Variants in KIF6 observed in about 807,000 individuals in gnomAD.
KIF6 encodes kinesin-like protein KIF6.
A neutral mutation model predicts 112.7 loss-of-function variants in KIF6; 106 were observed. That is an observed-to-expected ratio of 0.94 (90% CI 0.80 to 1.11). The LOEUF (loss-of-function observed/expected upper bound fraction) is 1.11. Among genes scored for constraint, KIF6 ranks in the 50% least tolerant of loss-of-function variants. KIF6 has a pLI of 0.00. For synonymous variants in KIF6, 339 were observed against 339.9 expected (o/e 1.00, Z 0.03); for missense variants, 929 against 964.0 (o/e 0.96, Z 0.48).
intron 16 of KIF6, among the ~76,000 whole-genome samples, chr6:39,375,094 A>G (rs1397545014): frequency 6.6e-6 from 1 of 152,226 alleles, no homozygotes; most frequent in Non-Finnish European, 1.5e-5. Context: ...CATTATGCTA[A>G]GTTAAATAAG....
intron 6 of KIF6, among the ~76,000 whole-genome samples, chr6:39,605,585 T>C (rs1192184025): frequency 6.6e-6 from 1 of 152,104 alleles, no homozygotes; most frequent in East Asian, 1.9e-4. Flanking sequence ...TTGTATCATT[T>C]TGTTCTAATG....
At chr6:39,455,563 A>C (rs1212767978) in intron 13 of KIF6, among the ~76,000 whole-genome samples, 1 of 151,974 alleles carries the variant, frequency 6.6e-6, no homozygotes, top group Non-Finnish European at 1.5e-5. Flanking sequence ...CAGACGATCA[A>C]ATTACTCTGA....
At chr6:39,633,660 G>T (rs919092830) in intron 5 of KIF6, among the ~76,000 whole-genome samples, 1 of 152,172 alleles carries the variant, frequency 6.6e-6, no homozygotes, top group Non-Finnish European at 1.5e-5. Flanking sequence ...TCCACCCTGT[G>T]TCCTCCACAT....
chr6:39,350,656 G>A (rs73731798), intron 19 of KIF6, among the ~76,000 whole-genome samples: 106 of 152,302 alleles, frequency 7.0e-4, no homozygotes, highest in African/African-American at 2.4e-3. Context: ...TGTCTGAGAC[G>A]CCATGATGGC....
At chr6:39,464,342 T>C (rs1378090050) in intron 13 of KIF6, among the ~76,000 whole-genome samples, 2 of 152,196 alleles carry the variant, frequency 1.3e-5, no homozygotes, top group Non-Finnish European at 2.9e-5. Flanking sequence ...GCTAAGTATC[T>C]GGAGGATGAG....
Position 39,461,662 on chromosome 6 carries a change from T to C in KIF6, c.1646-30501A>G, listed in dbSNP as rs540183352. Among the ~76,000 whole-genome samples, 3 of 152,330 alleles carry C rather than the reference T, an allele frequency of 2.0e-5. No homozygotes were observed. In the East Asian group the frequency reaches 5.8e-4, roughly 29 times the overall value. ...CTAAATAACTATACTCATTTGCATG[T>C]TTTATTCTTACAGCACATCTTAATT... On this transcript the variant is annotated intron_variant, in intron 13 of 22. Coordinates refer to ENST00000287152, the MANE Select transcript of KIF6 (RefSeq NM_145027.6).
At chr6:39,560,217 T>C (rs1287259441) in intron 10 of KIF6, among the ~76,000 whole-genome samples, 5 of 152,226 alleles carry the variant, frequency 3.3e-5, no homozygotes, top group African/African-American at 1.2e-4. Context: ...TTAGGCCCAG[T>C]GCTGCTGCTC....
chr6:39,343,298 C>T lies in KIF6; in HGVS notation c.2428+411G>A. 7.7e-7 allele frequency: 1 copy of T among 1,292,278 alleles called. No individual in the cohort carries two copies. The highest frequency in any genetic ancestry group is 1.0e-6 in the Non-Finnish European group (1 of 990,612). 80.1% of individuals were successfully genotyped at this position (1,292,278 alleles called of 1,614,324 possible). On this transcript the variant is annotated intron_variant, in intron 22 of 22. Transcript: ENST00000287152. The surrounding 1 kb of genome is among the most constrained non-coding windows in gnomAD (Gnocchi z 4.1). ...ACACTCACAGCTCTTTGGCAAGAAC[C>T]ACACTCTGATAGGGGAGTGAGACTT...
At position 39,602,631 on chromosome 6, in the gene KIF6, T is replaced by C. The variant is rs143784068; in HGVS notation, c.640-6371A>G. On this transcript the variant is annotated intron_variant, in intron 6 of 22. Coordinates refer to ENST00000287152, the MANE Select transcript of KIF6 (RefSeq NM_145027.6). ...CTTCAAATAATTCTGTGACTACATC[T>C]GCAAGCTTTTTAAGTCCATGGAATA... Among the ~76,000 whole-genome samples, 1,490 of 152,328 alleles carry C rather than the reference T, an allele frequency of 9.8e-3. 29 individuals carry two copies. The highest frequency in any genetic ancestry group is 0.034 in the African/African-American group (1,410 of 41,588).
chr6:39,362,405 G>C (rs368962679), intron 17 of KIF6, 29 bp downstream of exon 17: 1 of 1,570,882 alleles, frequency 6.4e-7, no homozygotes, highest in Non-Finnish European at 8.8e-7. Context: ...GGCTGGGCTC[G>C]GACTGTGTGT....
chr6:39,377,938 A>T (rs897224846), intron 16 of KIF6, among the ~76,000 whole-genome samples: 1 of 152,132 alleles, frequency 6.6e-6, no homozygotes, highest in Non-Finnish European at 1.5e-5. Flanking sequence ...GGGAGGTGGA[A>T]AGAGGGGTAG....
At chr6:39,696,352 C>T (rs1788538086) in intron 3 of KIF6, among the ~76,000 whole-genome samples, 1 of 152,048 alleles carries the variant, frequency 6.6e-6, no homozygotes, top group Non-Finnish European at 1.5e-5. Flanking sequence ...ACTTCTTCTC[C>T]CACTTTTTCC....
intron 15 of KIF6, among the ~76,000 whole-genome samples, chr6:39,396,389 A>G (rs763330780): frequency 6.6e-6 from 1 of 152,058 alleles, no homozygotes; most frequent in Non-Finnish European, 1.5e-5. Context: ...TCTCAGGAAA[A>G]CCATCCAAGG....
intron 13 of KIF6, among the ~76,000 whole-genome samples, chr6:39,506,498 T>C (rs1776435291): frequency 6.6e-6 from 1 of 152,050 alleles, no homozygotes; most frequent in Non-Finnish European, 1.5e-5. Context: ...TGCACATGTA[T>C]CCCTGAACTT....
intron 6 of KIF6, among the ~76,000 whole-genome samples, chr6:39,607,774 C>G (rs778130621): frequency 1.3e-5 from 2 of 152,058 alleles, no homozygotes; most frequent in Non-Finnish European, 2.9e-5. Context: ...ATATAGTTTG[C>G]CTGTTGTATA....
Position 39,345,648 on chromosome 6 carries a change from A to G in KIF6, c.2321+52T>C, listed in dbSNP as rs1015484575. 5 of 1,475,916 alleles carry G rather than the reference A, an allele frequency of 3.4e-6. No individual in the cohort carries two copies. The African/African-American group carries it at 4.2e-5, about 12-fold the overall frequency. The allele number at this position is 1,475,916 out of a possible 1,614,324, so 91.4% of individuals were successfully genotyped here. ...GGGAGTAGACTGGAGATGGAGGCCC[A>G]CTCCGCCCACTGCAGGGGCTGTCAC... On this transcript the variant is annotated intron_variant, in intron 21 of 22. Transcript: ENST00000287152.
intron 14 of KIF6, among the ~76,000 whole-genome samples, chr6:39,427,238 T>C (rs1436696201): frequency 6.6e-6 from 1 of 152,068 alleles, no homozygotes; most frequent in African/African-American, 2.4e-5. Context: ...TTCCTGTCAC[T>C]AGAGGGAATG....
intron 13 of KIF6, among the ~76,000 whole-genome samples, chr6:39,488,123 A>T (rs1775242001): frequency 6.6e-6 from 1 of 151,772 alleles, no homozygotes; most frequent in African/African-American, 2.4e-5. Flanking sequence ...TAAATTGCTC[A>T]TTATGACCTA....
chr6:39,531,489 T>C (rs544495299), intron 13 of KIF6, among the ~76,000 whole-genome samples: 2 of 152,260 alleles, frequency 1.3e-5, no homozygotes, highest in South Asian at 4.1e-4. Flanking sequence ...CATTTCTGCA[T>C]GGGTACAATA....
Sources: allele counts gnomAD v4.1 joint callset (sites outside exome capture counted in the v4.1 genomes callset), GRCh38; gene constraint gnomAD v4.1.1; non-coding constraint Gnocchi (gnomAD v3.1); transcripts MANE v1.5; gene names NCBI Gene and HGNC (gene_info 2026-07-23, HGNC 2026-07-21).